FNDC3B: variants seen among roughly 807,000 people sequenced by gnomAD.
FNDC3B encodes the protein fibronectin type III domain-containing protein 3B.
Under a neutral mutation model 151.5 loss-of-function variants are expected in FNDC3B, and 12 were observed. The ratio of observed to expected loss-of-function variants is 0.08; its 90% CI spans 0.05 to 0.13. The LOEUF (loss-of-function observed/expected upper bound fraction) is 0.13, where lower values mean the gene tolerates loss of function less well. FNDC3B is among the 10% of genes least tolerant of loss of function. The pLI is 1.00. For synonymous variants in FNDC3B, 528 were observed against 549.0 expected (o/e 0.96, Z 0.54); for missense variants, 1,214 against 1,505.3 (o/e 0.81, Z 3.20).
chr3:172,321,235 G>A (rs963552178), intron 11 of FNDC3B, among the ~76,000 whole-genome samples: 9 of 152,154 alleles, frequency 5.9e-5, no homozygotes, highest in East Asian at 1.9e-4. Context: ...AGACCATTGC[G>A]TGTCTGGATT....
chr3:172,268,644 A>C (rs1353199454), intron 6 of FNDC3B, among the ~76,000 whole-genome samples: 2 of 152,230 alleles, frequency 1.3e-5, no homozygotes, highest in African/African-American at 4.8e-5. Flanking sequence ...TCAGTTGTAT[A>C]ATCAACTTTC....
chr3:172,308,584 A>G lies in FNDC3B; in HGVS notation c.1200+1083A>G, dbSNP rs117159617. 4.8e-3 allele frequency among the ~76,000 whole-genome samples: 736 copies of G among 152,330 alleles called. 24 individuals carry two copies. The East Asian group carries it at 0.081, about 17-fold the overall frequency. On this transcript the variant is annotated intron_variant, in intron 10 of 25. Coordinates refer to ENST00000415807, the MANE Select transcript of FNDC3B (RefSeq NM_022763.4). Reference sequence around the variant, plus strand: ...ATGAAAGCAATTGAGAGTAGTGGTTAGCAGCAAAGCATGGGCCTCAGTTGA... The same window carrying G: ...ATGAAAGCAATTGAGAGTAGTGGTTGGCAGCAAAGCATGGGCCTCAGTTGA...
chr3:172,067,429 C>T (rs1283503087), intron 1 of FNDC3B, among the ~76,000 whole-genome samples: 3 of 152,120 alleles, frequency 2.0e-5, no homozygotes, highest in Non-Finnish European at 2.9e-5. Flanking sequence ...TTCACTAAGG[C>T]ACCAGAGTCG....
intron 1 of FNDC3B, among the ~76,000 whole-genome samples, chr3:172,066,268 G>A (rs541722880): frequency 4.3e-4 from 65 of 152,296 alleles, no homozygotes; most frequent in African/African-American, 1.5e-3. Context: ...GCAGTGAGGC[G>A]ATAATGATAC....
intron 7 of FNDC3B, among the ~76,000 whole-genome samples, chr3:172,293,064 C>T (rs1730423941): frequency 6.6e-6 from 1 of 152,208 alleles, no homozygotes; most frequent in African/African-American, 2.4e-5. Flanking sequence ...TGAGGCCCCT[C>T]ATGTGCCTGT....
intron 1 of FNDC3B, among the ~76,000 whole-genome samples, chr3:172,062,867 A>C (rs1717283983): frequency 6.6e-6 from 1 of 152,200 alleles, no homozygotes; most frequent in Non-Finnish European, 1.5e-5. Context: ...CTTAGGTCAA[A>C]ATGAGAGGAG....
At chr3:172,173,116 A>C (rs1051250950) in intron 3 of FNDC3B, among the ~76,000 whole-genome samples, 2 of 152,176 alleles carry the variant, frequency 1.3e-5, no homozygotes, top group Admixed American at 6.5e-5. Flanking sequence ...GGAAAAAAAA[A>C]CTGGAATTAG....
chr3:172,277,855 T>C (rs1729514352), intron 6 of FNDC3B, among the ~76,000 whole-genome samples: 4 of 152,180 alleles, frequency 2.6e-5, no homozygotes, highest in Non-Finnish European at 4.4e-5. Flanking sequence ...CTTTACTCAT[T>C]GATATTACCT....
intron 3 of FNDC3B, among the ~76,000 whole-genome samples, chr3:172,169,397 C>G (rs1365281049): frequency 6.6e-6 from 1 of 152,200 alleles, no homozygotes; most frequent in Non-Finnish European, 1.5e-5. Context: ...AGGCATCGGA[C>G]AGTGTAGTCA....
intron 11 of FNDC3B, among the ~76,000 whole-genome samples, chr3:172,322,045 A>G (rs920476444): frequency 1.3e-5 from 2 of 152,256 alleles, no homozygotes. Flanking sequence ...GATGAGTGTA[A>G]TATTGCATAA....
At chr3:172,251,067 C>T (rs1278388268) in intron 5 of FNDC3B, among the ~76,000 whole-genome samples, 193 bp from the exon 6 acceptor site, 1 of 152,172 alleles carries the variant, frequency 6.6e-6, no homozygotes, top group South Asian at 2.1e-4. Flanking sequence ...GTCCGCCCAC[C>T]TCGGCCTCCC....
intron 3 of FNDC3B, among the ~76,000 whole-genome samples, chr3:172,154,005 T>C (rs1451038770): frequency 2.0e-5 from 3 of 152,236 alleles, no homozygotes; most frequent in Non-Finnish European, 4.4e-5. Flanking sequence ...GCAAATCCTG[T>C]GGCCTAGTTT....
chr3:172,207,871 C>A (rs557188705), intron 3 of FNDC3B, among the ~76,000 whole-genome samples: 1 of 152,086 alleles, frequency 6.6e-6, no homozygotes, highest in African/African-American at 2.4e-5. Flanking sequence ...CACTTGAATC[C>A]GAGAGAAGGA....
At chr3:172,084,998 T>A (rs1718478917) in intron 1 of FNDC3B, among the ~76,000 whole-genome samples, 1 of 152,204 alleles carries the variant, frequency 6.6e-6, no homozygotes. Flanking sequence ...TAATGCATAG[T>A]GGGTTCTCCA....
At chr3:172,272,826 G>A (rs887550548) in intron 6 of FNDC3B, among the ~76,000 whole-genome samples, 7 of 152,144 alleles carry the variant, frequency 4.6e-5, no homozygotes, top group African/African-American at 1.7e-4. Context: ...GGCAACTAGT[G>A]TAAAATGAAA....
chr3:172,215,673 G>A (rs1560022259), intron 3 of FNDC3B, among the ~76,000 whole-genome samples: 1 of 152,176 alleles, frequency 6.6e-6, no homozygotes, highest in African/African-American at 2.4e-5. Flanking sequence ...GCAGTGAGCC[G>A]AGATTGCGCC....
intron 3 of FNDC3B, among the ~76,000 whole-genome samples, chr3:172,213,096 CCTT>C (rs750196480): frequency 4.6e-5 from 7 of 152,112 alleles, no homozygotes; most frequent in African/African-American, 7.2e-5. Flanking sequence ...CTGGTTCCTC[CCTT>C]CTTTTTCAAA....
At chr3:172,316,884 A>T (rs1328892551) in intron 11 of FNDC3B, among the ~76,000 whole-genome samples, 1 of 152,242 alleles carries the variant, frequency 6.6e-6, no homozygotes, top group Non-Finnish European at 1.5e-5. Context: ...ACAGAGATGT[A>T]TTTCTTACAG....
intron 25 of FNDC3B, among the ~76,000 whole-genome samples, chr3:172,389,264 C>T (rs1350188893): frequency 6.6e-6 from 1 of 152,160 alleles, no homozygotes; most frequent in Non-Finnish European, 1.5e-5. Flanking sequence ...CATTACATTT[C>T]ATTTTAAAGC....
Sources: gnomAD v4.1 joint callset for allele counts (sites outside exome capture counted in the v4.1 genomes callset) on GRCh38, gnomAD v4.1.1 for gene constraint, MANE v1.5 for transcripts, NCBI Gene and HGNC (gene_info 2026-07-23, HGNC 2026-07-21) for gene names.